The following MICU2 variants were observed in gnomAD, a reference collection of about 807,000 sequenced individuals.
The protein encoded by MICU2 is mitochondrial calcium uptake 2, also known as calcium uptake protein 2, mitochondrial.
Under a neutral mutation model 60.4 loss-of-function variants are expected in MICU2, and 64 were observed. That is an observed-to-expected ratio of 1.06 (90% CI 0.87 to 1.31). MICU2 has a LOEUF of 1.31. MICU2 is among the 50% of genes most tolerant of loss of function. The pLI, the probability that MICU2 is intolerant of heterozygous loss-of-function variation, is 0.00. For missense variants in MICU2, 569 were observed against 531.0 expected (o/e 1.07, Z -0.70); for synonymous variants, 201 against 175.0 (o/e 1.15, Z -1.17).
At chr13:21,497,372 A>G (rs950796986) in intron 9 of MICU2, among the ~76,000 whole-genome samples, 6 of 152,098 alleles carry the variant, frequency 3.9e-5, no homozygotes, top group Non-Finnish European at 2.9e-5. Context: ...GTAAAAACAA[A>G]CAAATAAATA....
intron 1 of MICU2, among the ~76,000 whole-genome samples, chr13:21,581,997 C>G (rs1888357889): frequency 6.6e-6 from 1 of 152,176 alleles, no homozygotes; most frequent in Admixed American, 6.5e-5. Flanking sequence ...TTCACTATAC[C>G]TTTTCCTGGA....
At position 21,603,985 on chromosome 13, in the gene MICU2, C is replaced by A. The variant is rs147484231; in HGVS notation, c.164G>T (p.Arg55Leu). The A allele has an allele frequency of 1.2e-6, 2 of 1,611,926 alleles. No homozygotes were observed. Among genetic ancestry groups the A allele is most frequent in the African/African-American group, 1.3e-5 (1 of 74,806 alleles). Reference protein sequence around the residue: ...AGAGAAWHHSRVSVAARDGSF... With the variant: ...AGAGAAWHHSLVSVAARDGSF... ...GCCATCCCGCGCCGCAACACTGACGCGGCTGTGGTGCCAGGCCGCTCCTGC... is the reference window on the plus strand; with the variant it reads ...GCCATCCCGCGCCGCAACACTGACGAGGCTGTGGTGCCAGGCCGCTCCTGC... Residue 55 changes from arginine (R) to leucine (L), a missense_variant, in exon 1 of 12, where the codon CGC (arginine) becomes CTC (leucine). Arg to Leu is a moderately radical substitution (Grantham distance 102, BLOSUM62 -2). Transcript: ENST00000382374.
In MICU2 at chr13:21,566,903, A is replaced by G. The variant is rs753241593; in HGVS notation, c.252T>C (p.Ser84=). Residue 84 remains serine, a synonymous_variant, in exon 2 of 12, where the codon TCT becomes TCC. Coordinates refer to ENST00000382374, the MANE Select transcript of MICU2 (RefSeq NM_152726.3). ...EHGIIYIGKP[S]LRKQRFMQFS... ...ACTGCATGAAGCGCTGCTTACGAAG[A>G]GACGGTTTCCCAATATATATTATTC... The G allele has an allele frequency of 6.2e-7, 1 of 1,610,380 alleles. No individual in the cohort carries two copies. The highest frequency in any genetic ancestry group is 1.1e-5 in the South Asian group (1 of 90,372).
intron 1 of MICU2, among the ~76,000 whole-genome samples, chr13:21,602,466 A>C (rs144284753): frequency 5.3e-5 from 8 of 152,060 alleles, no homozygotes; most frequent in Admixed American, 3.3e-4. Flanking sequence ...AGCTTGCAGT[A>C]AGCCGAGATA....
At chr13:21,504,641 C>T (rs1362994105) in intron 8 of MICU2, among the ~76,000 whole-genome samples, 1 of 152,088 alleles carries the variant, frequency 6.6e-6, no homozygotes, top group Non-Finnish European at 1.5e-5. Flanking sequence ...GGCTGCCAGA[C>T]ACATTGTGAA....
intron 2 of MICU2, among the ~76,000 whole-genome samples, chr13:21,545,276 C>T (rs78488217): frequency 0.02 from 3,094 of 152,188 alleles, 88 homozygotes; most frequent in African/African-American, 0.065. Flanking sequence ...AAATGAAATC[C>T]AGTCATTAAC....
chr13:21,539,400 T>G (rs1194326646), intron 3 of MICU2, 23 bp from the exon 4 acceptor site: 5 of 1,597,264 alleles, frequency 3.1e-6, no homozygotes, highest in Non-Finnish European at 3.4e-6. Context: ...ATATTAAAAT[T>G]AAACTTCTAA....
rs1195236058 is a variant in MICU2, at chr13:21,493,438, C to G, written c.1201-85G>C. ...ATATACTTTACGTTACTGTTTATTT[C>G]CTTCCCACACTCCTCCAAAAATAGT... On this transcript the variant is annotated intron_variant, in intron 11 of 11. Coordinates refer to ENST00000382374, the MANE Select transcript of MICU2 (RefSeq NM_152726.3). 3 of 874,764 alleles carry G rather than the reference C, an allele frequency of 3.4e-6. No homozygotes were observed. The African/African-American group carries it at 5.2e-5, about 15-fold the overall frequency. 54.2% of individuals were successfully genotyped at this position (874,764 alleles called of 1,614,324 possible).
intron 2 of MICU2, among the ~76,000 whole-genome samples, chr13:21,560,784 T>C (rs1175788591): frequency 6.6e-6 from 1 of 152,222 alleles, no homozygotes; most frequent in Admixed American, 6.5e-5. Flanking sequence ...GCAGAATTTC[T>C]GTAAAAATTT....
intron 6 of MICU2, among the ~76,000 whole-genome samples, chr13:21,519,837 G>T (rs1462227650): frequency 6.6e-6 from 1 of 152,206 alleles, no homozygotes; most frequent in Non-Finnish European, 1.5e-5. Flanking sequence ...GAACAAGATG[G>T]ATTTGGAATC....
At chr13:21,526,405 C>A (rs1886857452) in intron 4 of MICU2, among the ~76,000 whole-genome samples, 1 of 152,024 alleles carries the variant, frequency 6.6e-6, no homozygotes, top group Non-Finnish European at 1.5e-5. Flanking sequence ...TCCTTGGTAT[C>A]ATTTCACATG....
intron 2 of MICU2, among the ~76,000 whole-genome samples, chr13:21,545,681 A>AG (rs2138010050): frequency 6.6e-6 from 1 of 152,290 alleles, no homozygotes; most frequent in East Asian, 1.9e-4. Context: ...CTAAAAAAAA[A>AG]AAAGGGTTGA....
chr13:21,513,456 G>A (rs1886482454), intron 7 of MICU2, among the ~76,000 whole-genome samples: 3 of 151,924 alleles, frequency 2.0e-5, no homozygotes, highest in Admixed American at 1.3e-4. Flanking sequence ...AAAAACTACG[G>A]GCTGGGCACA....
Position 21,597,313 on chromosome 13 carries a change from TTA to T in MICU2, c.210+6624_210+6625del, listed in dbSNP as rs1439882403. On this transcript the variant is annotated intron_variant, in intron 1 of 11. Transcript: ENST00000382374. ...GATAAGAGCGAAGTCTCTTATTTAC[TTA>T]TGTTTTCTAATGGGAATATGGGATG... Among the ~76,000 whole-genome samples the T allele has an allele frequency of 5.4e-4, 82 of 152,178 alleles. 1 individual carries two copies. The highest frequency in any genetic ancestry group is 7.5e-4 in the Non-Finnish European group (51 of 68,032).
Position 21,604,091 on chromosome 13 carries a change from G to C in MICU2, c.58C>G (p.Arg20Gly), listed in dbSNP as rs995620247. Residue 20 changes from arginine (R) to glycine (G), a missense_variant, in exon 1 of 12, where the codon CGG (arginine) becomes GGG (glycine). Transcript: ENST00000382374. The stretch of plus-strand genomic sequence containing the variant: ...GCCTGTCGGCTGACAGCGAGCCCCC[G>C]TCGCAGTTTTCCGCCCCAGGCCGCC... ...RVAAWGGKLR[R>G]GLAVSRQAVR... 7 of 1,594,334 alleles carry C rather than the reference G, an allele frequency of 4.4e-6. No homozygotes were observed. In the African/African-American group the frequency reaches 9.5e-5, roughly 22 times the overall value.
chr13:21,494,873 T>A (rs538071537), intron 11 of MICU2, among the ~76,000 whole-genome samples: 1 of 152,244 alleles, frequency 6.6e-6, no homozygotes, highest in East Asian at 1.9e-4. Flanking sequence ...AAAAATTATT[T>A]TTTTTTGGAG....
Position 21,505,047 on chromosome 13 carries a change from T to A in MICU2, c.762-1950A>T, listed in dbSNP as rs946962407. On this transcript the variant is annotated intron_variant, in intron 8 of 11. Coordinates refer to ENST00000382374, the MANE Select transcript of MICU2 (RefSeq NM_152726.3). The stretch of plus-strand genomic sequence containing the variant: ...CCTAAAAAGTACATCAGTATCAATA[T>A]CCTCCCCAATTTTTCCTGACGAGAA... 2.0e-5 allele frequency among the ~76,000 whole-genome samples: 3 copies of A among 152,154 alleles called. No individual in the cohort carries two copies. The East Asian group carries it at 5.8e-4, about 29-fold the overall frequency.
intron 1 of MICU2, among the ~76,000 whole-genome samples, chr13:21,595,909 TGTGA>T: frequency 1.3e-5 from 2 of 152,384 alleles, no homozygotes; most frequent in Middle Eastern, 3.4e-3. Context: ...TCTGGACCCC[TGTGA>T]GTATTACTCT....
At chr13:21,603,009 C>G (rs1289070655) in intron 1 of MICU2, among the ~76,000 whole-genome samples, 1 of 148,658 alleles carries the variant, frequency 6.7e-6, no homozygotes, top group Non-Finnish European at 1.5e-5. Context: ...GCTCTTGTAG[C>G]TCAGGCTGGA....
Sources: gnomAD v4.1 joint callset for allele counts (sites outside exome capture counted in the v4.1 genomes callset) on GRCh38, gnomAD v4.1.1 for gene constraint, MANE v1.5 for transcripts, NCBI Gene and HGNC (gene_info 2026-07-23, HGNC 2026-07-21) for gene names.